Variants in PEAK1 observed in about 807,000 individuals in gnomAD.
PEAK1 encodes pseudopodium enriched atypical kinase 1, also known as inactive tyrosine-protein kinase PEAK1.
In PEAK1, 54 loss-of-function variants were observed where a neutral mutation model predicts 124.7. The ratio of observed to expected loss-of-function variants is 0.43; its 90% CI spans 0.35 to 0.54. PEAK1 has a LOEUF of 0.54. Among genes scored for constraint, PEAK1 ranks in the 20% least tolerant of loss-of-function variants. The pLI, the probability that PEAK1 is intolerant of heterozygous loss-of-function variation, is 0.01. For synonymous variants in PEAK1, 719 were observed against 760.0 expected (o/e 0.95, Z 0.89); for missense variants, 2,046 against 2,134.5 (o/e 0.96, Z 0.82).
In PEAK1 at chr15:77,322,737, C is replaced by A. The variant is rs941238298; in HGVS notation, c.-602-36233G>T. ...TGGTACCATTCCTTCTGAAACTATT[C>A]CAATTAATAGAAAAAGAGGGAATCC... On this transcript the variant is annotated intron_variant, in intron 2 of 9. Coordinates refer to ENST00000682557, the MANE Select transcript of PEAK1 (RefSeq NM_001385026.1). 2.2e-4 allele frequency among the ~76,000 whole-genome samples: 33 copies of A among 152,214 alleles called. No individual in the cohort carries two copies. In the South Asian group the frequency reaches 5.8e-3, roughly 27 times the overall value.
Position 77,113,876 on chromosome 15 carries a change from A to G in PEAK1, c.*280T>C. 1 of 417,550 alleles carries G rather than the reference A, an allele frequency of 2.4e-6. No individual in the cohort carries two copies. Among genetic ancestry groups the G allele is most frequent in the Non-Finnish European group, 4.3e-6 (1 of 233,644 alleles). 25.9% of individuals were successfully genotyped at this position (417,550 alleles called of 1,614,324 possible). A position where few individuals can be genotyped will look rare whatever the true frequency, so the allele number is the denominator to read the frequency against. On this transcript the variant is annotated 3_prime_UTR_variant, in exon 10 of 10. Transcript: ENST00000682557. ...TGTCCCTTCAAGAATATGGATTTTC[A>G]TTTTTACCTGCATTTATGGGACTAT...
At chr15:77,244,513 G>A (rs976089592) in intron 6 of PEAK1, among the ~76,000 whole-genome samples, 3 of 152,016 alleles carry the variant, frequency 2.0e-5, no homozygotes, top group Non-Finnish European at 4.4e-5. Flanking sequence ...TCTCCTCTGG[G>A]CTCTCCTGGT....
At chr15:77,276,638 G>A (rs908080719) in intron 5 of PEAK1, among the ~76,000 whole-genome samples, 42 of 151,992 alleles carry the variant, frequency 2.8e-4, no homozygotes, top group African/African-American at 9.9e-4. Context: ...CAGGAATCGT[G>A]GATAATGAGG....
rs909561010 is a variant in PEAK1, at chr15:77,419,632, G to A, written c.-666+374C>T. On this transcript the variant is annotated intron_variant, in intron 1 of 9. Transcript: ENST00000682557. Reference sequence around the variant, plus strand: ...GGCCTCCCCGCGTCCAGCTCCTCCAGGCTTCACTTTCCCCCGCAACCTCCC... The same window carrying A: ...GGCCTCCCCGCGTCCAGCTCCTCCAAGCTTCACTTTCCCCCGCAACCTCCC... 7.0e-4 allele frequency: 690 copies of A among 985,084 alleles called. 1 individual carries two copies. The highest frequency in any genetic ancestry group is 8.0e-4 in the Non-Finnish European group (660 of 829,802). The allele number at this position is 985,084 out of a possible 1,614,324, so 61.0% of individuals were successfully genotyped here.
At chr15:77,396,138 C>T in intron 1 of PEAK1, among the ~76,000 whole-genome samples, 1 of 151,790 alleles carries the variant, frequency 6.6e-6, no homozygotes, top group East Asian at 1.9e-4. Flanking sequence ...GTGTTATCAC[C>T]AATTTAAAAT....
chr15:77,118,838 G>A (rs1032026862), intron 9 of PEAK1, among the ~76,000 whole-genome samples: 1 of 152,124 alleles, frequency 6.6e-6, no homozygotes, highest in African/African-American at 2.4e-5. Context: ...TTCTAATAGG[G>A]GAAAAATCAC....
chr15:77,370,767 C>T, intron 1 of PEAK1: 3 of 982,728 alleles, frequency 3.1e-6, no homozygotes, highest in South Asian at 4.7e-5. Flanking sequence ...CACGGTGACT[C>T]ATGCCTGTAA....
intron 2 of PEAK1, among the ~76,000 whole-genome samples, chr15:77,303,577 T>C (rs1291905742): frequency 6.6e-6 from 1 of 152,234 alleles, no homozygotes; most frequent in Non-Finnish European, 1.5e-5. Flanking sequence ...TCAGATCTTC[T>C]GCCCATTTTT....
chr15:77,388,123 G>T (rs1185580451), intron 1 of PEAK1, among the ~76,000 whole-genome samples: 3 of 152,092 alleles, frequency 2.0e-5, no homozygotes, highest in Non-Finnish European at 4.4e-5. Context: ...GAGCCCAAGA[G>T]GTAAAAGCTG....
chr15:77,368,202 G>C (rs2068387380), intron 1 of PEAK1, among the ~76,000 whole-genome samples: 1 of 152,032 alleles, frequency 6.6e-6, no homozygotes, highest in African/African-American at 2.4e-5. Flanking sequence ...TGAGTTTTGA[G>C]CATTTATTTA....
chr15:77,142,399 G>C (rs528613642), intron 8 of PEAK1, among the ~76,000 whole-genome samples: 28 of 152,272 alleles, frequency 1.8e-4, no homozygotes, highest in Admixed American at 8.5e-4. Flanking sequence ...AAAATATTTT[G>C]GTAGTTCCTC....
intron 2 of PEAK1, among the ~76,000 whole-genome samples, chr15:77,321,459 T>C (rs2065211856): frequency 6.6e-6 from 1 of 152,232 alleles, no homozygotes; most frequent in African/African-American, 2.4e-5. Flanking sequence ...AAATGTCTTC[T>C]TTTGAAAAGT....
chr15:77,221,340 G>A (rs2059382548), intron 6 of PEAK1, among the ~76,000 whole-genome samples: 1 of 152,030 alleles, frequency 6.6e-6, no homozygotes, highest in South Asian at 2.1e-4. Flanking sequence ...GATGTCCTAG[G>A]CAAGATTTCT....
intron 6 of PEAK1, among the ~76,000 whole-genome samples, chr15:77,208,473 A>G (rs1248964684): frequency 2.0e-5 from 3 of 152,160 alleles, no homozygotes; most frequent in African/African-American, 7.2e-5. Context: ...GGAAAACGAT[A>G]CCGTCACTCT....
At chr15:77,252,283 A>C (rs1327324665) in intron 6 of PEAK1, 84 bp downstream of exon 6, 4 of 768,522 alleles carry the variant, frequency 5.2e-6, no homozygotes, top group Non-Finnish European at 6.3e-6. Context: ...CATTTAAGTT[A>C]AACATTTAAA....
At chr15:77,238,476 C>T (rs2060218894) in intron 6 of PEAK1, among the ~76,000 whole-genome samples, 2 of 152,088 alleles carry the variant, frequency 1.3e-5, no homozygotes. Context: ...TTCTAAAACT[C>T]TTGTTTTGCT....
intron 1 of PEAK1, chr15:77,401,924 C>T (rs192615143): frequency 8.3e-5 from 82 of 984,638 alleles, no homozygotes; most frequent in Non-Finnish European, 9.5e-5. Flanking sequence ...GAGGGCCAGG[C>T]GCAGTGGCTC....
At position 77,397,440 on chromosome 15, in the gene PEAK1, A is replaced by G. The variant is rs1293943731; in HGVS notation, c.-666+22566T>C. On this transcript the variant is annotated intron_variant, in intron 1 of 9. Transcript: ENST00000682557. ...GCAAACCAAACCCAAAATTAGTAGA[A>G]GAAATAATAAAGATCAGAGAAGAAA... 2.0e-5 allele frequency among the ~76,000 whole-genome samples: 3 copies of G among 152,088 alleles called. No homozygotes were observed. In the East Asian group the frequency reaches 5.8e-4, roughly 29 times the overall value.
At chr15:77,243,930 T>C (rs1157248354) in intron 6 of PEAK1, among the ~76,000 whole-genome samples, 1 of 151,742 alleles carries the variant, frequency 6.6e-6, no homozygotes, top group African/African-American at 2.4e-5. Context: ...ATCGCGCCAT[T>C]GCGCTCCAGC....
Sources: allele counts gnomAD v4.1 joint callset (sites outside exome capture counted in the v4.1 genomes callset), GRCh38; gene constraint gnomAD v4.1.1; transcripts MANE v1.5; gene names NCBI Gene and HGNC (gene_info 2026-07-23, HGNC 2026-07-21).